The following TTC27 variants were observed in gnomAD, a reference collection of about 807,000 sequenced individuals.
The protein encoded by TTC27 is tetratricopeptide repeat protein 27.
Under a neutral mutation model 115.9 loss-of-function variants are expected in TTC27, and 79 were observed. That is an observed-to-expected ratio of 0.68 (90% confidence interval 0.57 to 0.82). TTC27 has a LOEUF of 0.82. TTC27 is among the 40% of genes least tolerant of loss of function. The pLI is 0.00. For missense variants in TTC27, 1,054 were observed against 993.1 expected, an observed-to-expected ratio of 1.06 and a Z score of -0.82; for synonymous variants, 401 against 356.0, an observed-to-expected ratio of 1.13 and a Z score of -1.42.
At chr2:32,736,624 C>T (rs17497801) in intron 11 of TTC27, 70 bp from the exon 12 acceptor site, 576,985 of 1,581,358 alleles carry the variant, frequency 0.36, 107,710 homozygotes, top group Non-Finnish European at 0.38. Context: ...AGATTAGGTA[C>T]ACCTGCAAGT....
At chr2:32,768,515 A>G (rs1294079859) in intron 13 of TTC27, among the ~76,000 whole-genome samples, 3 of 152,226 alleles carry the variant, frequency 2.0e-5, no homozygotes, top group African/African-American at 2.4e-5. Context: ...TGCTATGTCA[A>G]CCTATCAACA....
At chr2:32,632,533 G>C (rs376108891) in intron 2 of TTC27, among the ~76,000 whole-genome samples, 2 of 152,234 alleles carry the variant, frequency 1.3e-5, no homozygotes, top group East Asian at 1.9e-4. Context: ...GATTAGGACA[G>C]TTTATTAAGG....
chr2:32,809,413 C>T (rs1452316608), intron 16 of TTC27, among the ~76,000 whole-genome samples: 1 of 152,218 alleles, frequency 6.6e-6, no homozygotes, highest in Non-Finnish European at 1.5e-5. Context: ...AAGATGTGGG[C>T]AGCTGTCTCT....
chr2:32,678,972 C>T, intron 9 of TTC27, 50 bp downstream of exon 9: 1 of 1,494,924 alleles, frequency 6.7e-7, no homozygotes, highest in Non-Finnish European at 9.3e-7. Flanking sequence ...TGGTAAATTA[C>T]TTCCTCTGGT....
chr2:32,708,466 C>T lies in TTC27; in HGVS notation c.1233+5546C>T, dbSNP rs890164986. Among the ~76,000 whole-genome samples the T allele has an allele frequency of 7.9e-5, 12 of 151,460 alleles. 1 individual carries two copies. The highest frequency in any genetic ancestry group is 1.9e-4 in the African/African-American group (8 of 41,168). On this transcript the variant is annotated intron_variant, in intron 10 of 19. Coordinates refer to ENST00000317907, the MANE Select transcript of TTC27 (RefSeq NM_017735.5). ...AGCTGGGACTACAGGCGTGTGCCACCACAACCAGCTAATTTTTGTATTTTT... is the reference window on the plus strand; with the variant it reads ...AGCTGGGACTACAGGCGTGTGCCACTACAACCAGCTAATTTTTGTATTTTT...
intron 3 of TTC27, among the ~76,000 whole-genome samples, chr2:32,636,675 G>C (rs1037240951): frequency 1.3e-5 from 2 of 152,196 alleles, no homozygotes. Context: ...TTCTATACTA[G>C]TGTAGAAGCA....
chr2:32,817,065 CA>C (rs1016434768), intron 18 of TTC27, among the ~76,000 whole-genome samples: 3 of 151,900 alleles, frequency 2.0e-5, no homozygotes, highest in Non-Finnish European at 2.9e-5. Context: ...CTGTTTTTCC[CA>C]AAATTCCCTG....
rs546920245 is a variant in TTC27 at position 32,651,651 on chromosome 2, A to G, written c.640+1418A>G. On this transcript the variant is annotated intron_variant, in intron 5 of 19. Coordinates refer to ENST00000317907, the MANE Select transcript of TTC27 (RefSeq NM_017735.5). The stretch of plus-strand genomic sequence containing the variant: ...CGAGCCACTGCGCCCGGCGTCCTTC[A>G]AGAGTTTTTACAGTAACAAGCTAGG... Among the ~76,000 whole-genome samples the G allele has an allele frequency of 4.6e-5, 7 of 152,166 alleles. No individual in the cohort carries two copies. In the East Asian group the frequency reaches 1.2e-3, roughly 25 times the overall value.
intron 12 of TTC27, among the ~76,000 whole-genome samples, chr2:32,742,978 G>A (rs944981046): frequency 2.6e-5 from 4 of 152,116 alleles, no homozygotes; most frequent in African/African-American, 9.7e-5. Context: ...TTCTTAGCCT[G>A]CTTTTTCTCC....
At chr2:32,767,753 G>A (rs961999544) in intron 13 of TTC27, among the ~76,000 whole-genome samples, 9 of 152,156 alleles carry the variant, frequency 5.9e-5, no homozygotes, top group East Asian at 3.9e-4. Context: ...GAGCCACCGC[G>A]CCCGGCCATT....
intron 9 of TTC27, among the ~76,000 whole-genome samples, chr2:32,694,521 A>G (rs934068409): frequency 6.6e-6 from 1 of 152,160 alleles, no homozygotes; most frequent in Non-Finnish European, 1.5e-5. Flanking sequence ...CCTGGGTAAC[A>G]TTGTAAGATC....
In TTC27 at chr2:32,638,222, T is replaced by A. The variant is rs189936738; in HGVS notation, c.397-2048T>A. On this transcript the variant is annotated intron_variant, in intron 3 of 19. Coordinates refer to ENST00000317907, the MANE Select transcript of TTC27 (RefSeq NM_017735.5). The stretch of plus-strand genomic sequence containing the variant: ...TCATTAATTATTGAAGTTTTTTTTT[T>A]AAATAATTCCTTGTATGCTTAGCAG... Among the ~76,000 whole-genome samples, 539 of 152,296 alleles carry A rather than the reference T, an allele frequency of 3.5e-3. 2 individuals carry two copies. Among genetic ancestry groups the A allele is most frequent in the African/African-American group, 0.011 (470 of 41,562 alleles).
rs765531766 is a variant in TTC27, at chr2:32,666,701, G to A, written c.872G>A (p.Arg291Lys). ...GCACAACTGATTCTAGATGTAAGAAGGGAAGGGGATGTCCTTTCAAATTGT... is the reference window on the plus strand; with the variant it reads ...GCACAACTGATTCTAGATGTAAGAAAGGAAGGGGATGTCCTTTCAAATTGT... ...YVAQLILDVRREGDVLSNCEF... is the reference protein window; with the variant it reads ...YVAQLILDVRKEGDVLSNCEF... Residue 291 changes from arginine to lysine, a missense_variant, in exon 7 of 20, where the codon AGG becomes AAG. Physicochemically the swap from Arg to Lys is conservative, Grantham distance 26. Coordinates refer to ENST00000317907, the MANE Select transcript of TTC27 (RefSeq NM_017735.5). 2.5e-6 allele frequency: 4 copies of A among 1,613,894 alleles called. No individual in the cohort carries two copies. The highest frequency in any genetic ancestry group is 3.4e-6 in the Non-Finnish European group (4 of 1,179,964).
intron 13 of TTC27, among the ~76,000 whole-genome samples, chr2:32,761,290 A>G (rs1208992286): frequency 6.6e-6 from 1 of 152,102 alleles, no homozygotes; most frequent in Admixed American, 6.5e-5. Context: ...CCTTCAAAAT[A>G]TGTCCAGAAT....
intron 10 of TTC27, among the ~76,000 whole-genome samples, chr2:32,711,549 A>G (rs924660092): frequency 4.6e-5 from 7 of 152,206 alleles, no homozygotes; most frequent in African/African-American, 1.7e-4. Context: ...TTACATGTAT[A>G]TATTAAGACA....
At chr2:32,629,517 C>T (rs2063542705) in intron 1 of TTC27, among the ~76,000 whole-genome samples, 1 of 152,124 alleles carries the variant, frequency 6.6e-6, no homozygotes, top group African/African-American at 2.4e-5. Flanking sequence ...TCACTGCAAG[C>T]TCCACCTCCC....
In TTC27 at chr2:32,754,947, G is replaced by A. The variant is rs538457388; in HGVS notation, c.1453-3345G>A. ...ATGCTCCTCACTTCCCAGACGGGGC[G>A]GCTGCTGGGTGGAGGGGCTCCTCAC... On this transcript the variant is annotated intron_variant, in intron 12 of 19. Transcript: ENST00000317907. Among the ~76,000 whole-genome samples the A allele has an allele frequency of 4.4e-4, 67 of 151,836 alleles. No homozygotes were observed. In the East Asian group the frequency reaches 5.5e-3, roughly 12 times the overall value.
At chr2:32,797,480 A>G (rs902592169) in intron 16 of TTC27, among the ~76,000 whole-genome samples, 8 of 152,142 alleles carry the variant, frequency 5.3e-5, no homozygotes, top group Non-Finnish European at 1.2e-4. Context: ...GCCTGACTCA[A>G]ATGATTTTTG....
intron 5 of TTC27, among the ~76,000 whole-genome samples, chr2:32,663,675 T>C (rs540403142): frequency 1.4e-4 from 21 of 150,214 alleles, no homozygotes; most frequent in African/African-American, 4.6e-4. Context: ...TATGTATGTA[T>C]GTATGTATTT....
Sources: gnomAD v4.1 joint callset for allele counts (sites outside exome capture counted in the v4.1 genomes callset) on GRCh38, gnomAD v4.1.1 for gene constraint, MANE v1.5 for transcripts, NCBI Gene and HGNC (gene_info 2026-07-23, HGNC 2026-07-21) for gene names.